The following COMMD9 variants were observed in gnomAD, a reference collection of about 807,000 sequenced individuals.
The protein encoded by COMMD9 is COMM domain-containing protein 9.
In COMMD9, 22 loss-of-function variants were observed where a neutral mutation model predicts 23.4. The ratio of observed to expected loss-of-function variants is 0.94; its 90% confidence interval spans 0.67 to 1.34. The LOEUF is 1.34. Ranked by LOEUF, COMMD9 falls within the 40% of genes most tolerant of loss-of-function variation. The pLI is 0.00. For synonymous variants in COMMD9, 99 were observed against 97.4 expected (o/e 1.02, Z -0.10); for missense variants, 231 against 240.2 (o/e 0.96, Z 0.25).
rs1855917936 is a variant in COMMD9, at chr11:36,273,693, TCTC to T, written c.*936_*938del. Reference sequence around the variant, plus strand: ...AGATGGGGTTTCACCATGGTCTCGATCTCCTGACCTCATGATCTGCCTGCCTCG... The same window carrying T: ...AGATGGGGTTTCACCATGGTCTCGATCTGACCTCATGATCTGCCTGCCTCG... On this transcript the variant is annotated 3_prime_UTR_variant, in exon 6 of 6. Transcript: ENST00000263401. The T allele has an allele frequency of 1.3e-5, 2 of 152,286 alleles. No homozygotes were observed. The highest frequency in any genetic ancestry group is 4.8e-5 in the African/African-American group (2 of 41,430). The allele number at this position is 152,286 out of a possible 1,614,324, so 9.4% of individuals were successfully genotyped here.
chr11:36,279,136 T>A (rs796454930), intron 2 of COMMD9, among the ~76,000 whole-genome samples: 7 of 152,302 alleles, frequency 4.6e-5, no homozygotes, highest in African/African-American at 1.7e-4. Flanking sequence ...TGACACAAGA[T>A]ACCGGCTCCT....
chr11:36,280,907 G>T, intron 1 of COMMD9, 70 bp from the exon 2 acceptor site: 1 of 1,427,500 alleles, frequency 7.0e-7, no homozygotes, highest in Non-Finnish European at 9.3e-7. Flanking sequence ...GAGTAATAAT[G>T]TCTTTGTCAT....
chr11:36,280,788 C>A lies in COMMD9; in HGVS notation c.101G>T (p.Ser34Ile). The A allele has an allele frequency of 6.2e-7, 1 of 1,609,526 alleles. No individual in the cohort carries two copies. Among genetic ancestry groups the A allele is most frequent in the South Asian group, 1.1e-5 (1 of 90,600 alleles). Residue 34 changes from serine (S) to isoleucine (I), a missense_variant, in exon 2 of 6, where the codon AGT becomes ATT. Transcript: ENST00000263401. ...VRQLCQESFS[S>I]SALGLKKLLD... ...GAGTTTTTTCAAGCCAAGGGCTGAA[C>A]TGGAAAAGCTTTCTTGACACAGCTG...
At chr11:36,287,545 C>A (rs1565360793) in intron 1 of COMMD9, among the ~76,000 whole-genome samples, 1 of 150,906 alleles carries the variant, frequency 6.6e-6, no homozygotes, top group Non-Finnish European at 1.5e-5. Flanking sequence ...TAAATGGGAT[C>A]TCTCTATATT....
intron 1 of COMMD9, among the ~76,000 whole-genome samples, chr11:36,286,454 C>T (rs1011950104): frequency 2.2e-5 from 3 of 138,028 alleles, no homozygotes; most frequent in Non-Finnish European, 3.1e-5. Flanking sequence ...AAAAAATCAG[C>T]CTGGAGGGGT....
chr11:36,281,316 A>G (rs12284807), intron 1 of COMMD9, among the ~76,000 whole-genome samples: 6,147 of 152,278 alleles, frequency 0.04, 338 homozygotes, highest in East Asian at 0.17. Flanking sequence ...CTCCAGCCAA[A>G]TATCATAGAA....
intron 3 of COMMD9, 115 bp downstream of exon 3, chr11:36,278,362 G>A (rs1360316826): frequency 1.1e-6 from 1 of 917,924 alleles, no homozygotes; most frequent in South Asian, 1.5e-5. Context: ...TTTTCTTTTT[G>A]CTTATCCGGG....
chr11:36,277,017 A>G lies in COMMD9; in HGVS notation c.352+72T>C, dbSNP rs535142839. The G allele has an allele frequency of 1.5e-5, 20 of 1,358,958 alleles. No homozygotes were observed. The South Asian group carries it at 2.6e-4, about 18-fold the overall frequency. 84.2% of individuals were successfully genotyped at this position (1,358,958 alleles called of 1,614,324 possible). A position where few individuals can be genotyped will look rare whatever the true frequency, so the allele number is the denominator to read the frequency against. The stretch of plus-strand genomic sequence containing the variant: ...ACTTTGGTTTCTGCCAAAATCTCTG[A>G]TCACTTGGCAGACTGAGAGCTGGGG... On this transcript the variant is annotated intron_variant, in intron 4 of 5. Transcript: ENST00000263401.
In COMMD9 at chr11:36,273,442, T is replaced by C. The variant is rs1855911311; in HGVS notation, c.*1190A>G. On this transcript the variant is annotated 3_prime_UTR_variant, in exon 6 of 6. Transcript: ENST00000263401. ...CGAAGGAGTGCCTTCATCATAGCTC[T>C]TGTAACAAGCACATACTGATGATTA... 1 of 152,218 alleles carries C rather than the reference T, an allele frequency of 6.6e-6. No individual in the cohort carries two copies. Among genetic ancestry groups the C allele is most frequent in the African/African-American group, 2.4e-5 (1 of 41,450 alleles). 9.4% of individuals were successfully genotyped at this position (152,218 alleles called of 1,614,324 possible). A position where few individuals can be genotyped will look rare whatever the true frequency, so the allele number is the denominator to read the frequency against.
chr11:36,289,139 G>A (rs533053185), intron 1 of COMMD9, among the ~76,000 whole-genome samples: 3 of 152,160 alleles, frequency 2.0e-5, no homozygotes, highest in South Asian at 4.1e-4. Context: ...GCGCCTTCAT[G>A]CCCATTATTT....
chr11:36,286,427 AAAGAAAGAAAAG>A (rs1856158634), intron 1 of COMMD9, among the ~76,000 whole-genome samples: 4 of 35,428 alleles, frequency 1.1e-4, no homozygotes, highest in East Asian at 6.3e-4. Flanking sequence ...AGAAAGAAAG[AAAGAAAGAAAAG>A]AAAAAAAAAA....
chr11:36,281,088 A>G (rs1225983694), intron 1 of COMMD9, among the ~76,000 whole-genome samples: 1 of 152,180 alleles, frequency 6.6e-6, no homozygotes, highest in East Asian at 1.9e-4. Flanking sequence ...CAGATCTGCT[A>G]GGGACCTCAT....
chr11:36,276,974 T>A, intron 4 of COMMD9, 115 bp downstream of exon 4: 1 of 819,026 alleles, frequency 1.2e-6, no homozygotes, highest in Non-Finnish European at 1.8e-6. Context: ...AGAGTATGGG[T>A]TGAGACTAGA....
At chr11:36,287,875 G>T (rs1590409828) in intron 1 of COMMD9, among the ~76,000 whole-genome samples, 1 of 152,128 alleles carries the variant, frequency 6.6e-6, no homozygotes, top group East Asian at 1.9e-4. Flanking sequence ...TTCATTTTTT[G>T]ACTTTGGTGG....
chr11:36,276,013 A>G (rs1855963976), intron 5 of COMMD9, 124 bp downstream of exon 5: 1 of 657,290 alleles, frequency 1.5e-6, no homozygotes, highest in Non-Finnish European at 2.7e-6. Flanking sequence ...TAAACAAAGG[A>G]GGATAAAGGG....
Position 36,273,165 on chromosome 11 carries a change from C to A in COMMD9, c.*1467G>T, listed in dbSNP as rs1389397559. ...TGAGATGTAGAAGTCAAGCACCTTACCACTGAGAAGCAGAGCTGGCTTCTG... is the reference window on the plus strand; with the variant it reads ...TGAGATGTAGAAGTCAAGCACCTTAACACTGAGAAGCAGAGCTGGCTTCTG... On this transcript the variant is annotated 3_prime_UTR_variant, in exon 6 of 6. Transcript: ENST00000263401. The A allele has an allele frequency of 6.6e-6, 1 of 152,174 alleles. No individual in the cohort carries two copies. The highest frequency in any genetic ancestry group is 1.5e-5 in the Non-Finnish European group (1 of 68,046). 9.4% of individuals were successfully genotyped at this position (152,174 alleles called of 1,614,324 possible). A position where few individuals can be genotyped will look rare whatever the true frequency, so the allele number is the denominator to read the frequency against.
In COMMD9 at chr11:36,273,993, T is replaced by TC. The variant is rs1855924110; in HGVS notation, c.*638dup. On this transcript the variant is annotated 3_prime_UTR_variant, in exon 6 of 6. Coordinates refer to ENST00000263401, the MANE Select transcript of COMMD9 (RefSeq NM_014186.4). ...AGAACTGTTGTTTAGTTCCAATTATTCCCACTTCTTCACCTAGGAGTGGCT... is the reference window on the plus strand; with the variant it reads ...AGAACTGTTGTTTAGTTCCAATTATTCCCCACTTCTTCACCTAGGAGTGGCT... 4.9e-6 allele frequency: 1 copy of TC among 202,122 alleles called. No homozygotes were observed. Among genetic ancestry groups the TC allele is most frequent in the South Asian group, 8.6e-5 (1 of 11,638 alleles). 12.5% of individuals were successfully genotyped at this position (202,122 alleles called of 1,614,324 possible).
chr11:36,280,957 G>C (rs974126794), intron 1 of COMMD9, 120 bp from the exon 2 acceptor site: 1 of 1,044,222 alleles, frequency 9.6e-7, no homozygotes, highest in Non-Finnish European at 1.3e-6. Context: ...AGGTACATAA[G>C]ACTTTGGATT....
chr11:36,284,195 A>C (rs1241962433), intron 1 of COMMD9, among the ~76,000 whole-genome samples: 1 of 152,256 alleles, frequency 6.6e-6, no homozygotes, highest in Non-Finnish European at 1.5e-5. Flanking sequence ...AAGAATGAAA[A>C]AAGATATATT....
Sources: gnomAD v4.1 joint callset for allele counts (sites outside exome capture counted in the v4.1 genomes callset) on GRCh38, gnomAD v4.1.1 for gene constraint, MANE v1.5 for transcripts, NCBI Gene and HGNC (gene_info 2026-07-23, HGNC 2026-07-21) for gene names.